Variants in CTDSPL observed in about 807,000 individuals in gnomAD.
CTDSPL encodes CTD small phosphatase like.
A neutral mutation model predicts 30.5 loss-of-function variants in CTDSPL; 8 were observed. That is an observed-to-expected ratio of 0.26 (90% CI 0.15 to 0.47). CTDSPL has a LOEUF of 0.47. CTDSPL is among the 20% of genes least tolerant of loss of function. CTDSPL has a pLI of 0.99. For synonymous variants in CTDSPL, 110 were observed against 137.9 expected, an observed-to-expected ratio of 0.80 and a Z score of 1.42; for missense variants, 248 against 366.1, an observed-to-expected ratio of 0.68 and a Z score of 2.63.
chr3:37,919,710 G>C (rs2212039), intron 1 of CTDSPL, among the ~76,000 whole-genome samples: 3 of 152,340 alleles, frequency 2.0e-5, no homozygotes, highest in East Asian at 1.9e-4. Flanking sequence ...GAATGGGAAA[G>C]GGGGCCAGGG....
intron 1 of CTDSPL, among the ~76,000 whole-genome samples, chr3:37,919,661 G>A (rs888818833): frequency 2.6e-5 from 4 of 152,150 alleles, no homozygotes; most frequent in Admixed American, 2.0e-4. Flanking sequence ...ACTGGTTAGC[G>A]GGAAGAAGCC....
At chr3:37,961,039 G>A (rs1326866549) in intron 3 of CTDSPL, among the ~76,000 whole-genome samples, 2 of 151,874 alleles carry the variant, frequency 1.3e-5, no homozygotes. Flanking sequence ...TTTTCTTCTA[G>A]TATTTTAATA....
In CTDSPL at chr3:37,929,806, T is replaced by C. The variant is rs565368678; in HGVS notation, c.80-17251T>C. Among the ~76,000 whole-genome samples the C allele has an allele frequency of 2.6e-5, 4 of 152,292 alleles. No individual in the cohort carries two copies. In the South Asian group the frequency reaches 6.2e-4, roughly 24 times the overall value. ...TTGCCCTGACTAGAATTTCCCATAA[T>C]GTGTACAGTAGAAATGGCAAGAGTG... On this transcript the variant is annotated intron_variant, in intron 1 of 7. Coordinates refer to ENST00000273179, the MANE Select transcript of CTDSPL (RefSeq NM_001008392.2).
chr3:37,956,861 T>C (rs1275208371), intron 2 of CTDSPL, among the ~76,000 whole-genome samples: 1 of 152,204 alleles, frequency 6.6e-6, no homozygotes, highest in Non-Finnish European at 1.5e-5. Flanking sequence ...GCTATTTAAA[T>C]ACACAAAATG....
intron 1 of CTDSPL, among the ~76,000 whole-genome samples, chr3:37,904,361 A>T (rs759812849): frequency 6.6e-5 from 10 of 152,168 alleles, no homozygotes; most frequent in Non-Finnish European, 1.2e-4. Flanking sequence ...TCTATCAGGC[A>T]TTGAGGAAAG....
intron 1 of CTDSPL, among the ~76,000 whole-genome samples, chr3:37,898,114 T>G (rs927136482): frequency 6.6e-6 from 1 of 152,158 alleles, no homozygotes; most frequent in African/African-American, 2.4e-5. Context: ...ATATTCACAT[T>G]TATTGCCGGA....
At chr3:37,907,427 TTCTC>T (rs1698531139) in intron 1 of CTDSPL, among the ~76,000 whole-genome samples, 2 of 152,380 alleles carry the variant, frequency 1.3e-5, no homozygotes, top group Admixed American at 1.3e-4. Context: ...AAGTGCAATT[TTCTC>T]TCTAAGGAAA....
intron 1 of CTDSPL, among the ~76,000 whole-genome samples, chr3:37,879,334 C>T (rs1476397324): frequency 6.6e-6 from 1 of 152,224 alleles, no homozygotes; most frequent in African/African-American, 2.4e-5. Context: ...TACCTATCTG[C>T]CTGTCTCATC....
chr3:37,934,714 G>A (rs1293707867), intron 1 of CTDSPL, among the ~76,000 whole-genome samples: 1 of 152,240 alleles, frequency 6.6e-6, no homozygotes, highest in Non-Finnish European at 1.5e-5. Flanking sequence ...AGGGAGGCTT[G>A]CAGTAGACAA....
chr3:37,922,117 C>T (rs1698724112), intron 1 of CTDSPL, among the ~76,000 whole-genome samples: 1 of 151,614 alleles, frequency 6.6e-6, no homozygotes, highest in South Asian at 2.1e-4. Context: ...TGCCTATAAT[C>T]CCAGCTACTC....
At chr3:37,932,041 G>T (rs555013919) in intron 1 of CTDSPL, among the ~76,000 whole-genome samples, 2 of 151,930 alleles carry the variant, frequency 1.3e-5, no homozygotes, top group Non-Finnish European at 1.5e-5. Flanking sequence ...TAAATCTACA[G>T]TAGCAAAGCT....
At chr3:37,904,020 T>C (rs1210540626) in intron 1 of CTDSPL, among the ~76,000 whole-genome samples, 1 of 152,242 alleles carries the variant, frequency 6.6e-6, no homozygotes, top group Non-Finnish European at 1.5e-5. Flanking sequence ...GGATCCCTGC[T>C]GCACACTCTT....
At chr3:37,906,099 T>G (rs1411569840) in intron 1 of CTDSPL, among the ~76,000 whole-genome samples, 2 of 152,142 alleles carry the variant, frequency 1.3e-5, no homozygotes, top group Non-Finnish European at 2.9e-5. Context: ...CCACATCTAC[T>G]CTCTGTCCTA....
chr3:37,968,022 G>A, intron 5 of CTDSPL, 140 bp downstream of exon 5: 1 of 611,934 alleles, frequency 1.6e-6, no homozygotes, highest in Non-Finnish European at 2.8e-6. Flanking sequence ...TAAATACAAT[G>A]TTTTTCTTTT....
chr3:37,903,505 G>C (rs1051576022), intron 1 of CTDSPL, among the ~76,000 whole-genome samples: 1 of 152,180 alleles, frequency 6.6e-6, no homozygotes, highest in African/African-American at 2.4e-5. Flanking sequence ...CATTGACCAG[G>C]ACCTGAGCAG....
At chr3:37,957,910 C>T (rs1226107909) in intron 3 of CTDSPL, among the ~76,000 whole-genome samples, 1 of 152,218 alleles carries the variant, frequency 6.6e-6, no homozygotes, top group African/African-American at 2.4e-5. Context: ...AAGAAATTTA[C>T]AGTTGAGATG....
intron 1 of CTDSPL, among the ~76,000 whole-genome samples, chr3:37,881,638 A>C: frequency 6.6e-6 from 1 of 152,262 alleles, no homozygotes; most frequent in Non-Finnish European, 1.5e-5. Flanking sequence ...AAACTAAAAA[A>C]TGTAATGTTG....
At chr3:37,951,686 G>T (rs1699110047) in intron 2 of CTDSPL, among the ~76,000 whole-genome samples, 1 of 150,472 alleles carries the variant, frequency 6.6e-6, no homozygotes. Context: ...GTCTCAAAAA[G>T]CAATGTAGAA....
chr3:37,927,684 G>GTGTA lies in CTDSPL; in HGVS notation c.80-19372_80-19371insGTAT, dbSNP rs372845166. Among the ~76,000 whole-genome samples, 174 of 117,758 alleles carry GTGTA rather than the reference G, an allele frequency of 1.5e-3. 2 individuals carry two copies. Among genetic ancestry groups the GTGTA allele is most frequent in the African/African-American group, 5.5e-3 (156 of 28,236 alleles). 77.3% of individuals were successfully genotyped at this position (117,758 alleles called of 152,430 possible). On this transcript the variant is annotated intron_variant, in intron 1 of 7. Coordinates refer to ENST00000273179, the MANE Select transcript of CTDSPL (RefSeq NM_001008392.2). ...TGTGTGTGTGTGTGTGTGTGTATGT[G>GTGTA]TATATATATATATATATATATAAAA...
Sources: gnomAD v4.1 joint callset for allele counts (sites outside exome capture counted in the v4.1 genomes callset) on GRCh38, gnomAD v4.1.1 for gene constraint, MANE v1.5 for transcripts, NCBI Gene and HGNC (gene_info 2026-07-23, HGNC 2026-07-21) for gene names.